Variants in SV2C observed in about 807,000 individuals in gnomAD.
SV2C encodes the protein synaptic vesicle glycoprotein 2C, also known as solute carrier family 22 member B3.
SV2C carries 49 observed loss-of-function variants against 79.7 expected under a neutral mutation model. The ratio of observed to expected loss-of-function variants is 0.61; its 90% CI spans 0.49 to 0.78. SV2C has a LOEUF of 0.78. Ranked by LOEUF, SV2C falls within the 30% of genes least tolerant of loss-of-function variation. SV2C has a pLI of 0.00. For missense variants in SV2C, 833 were observed against 912.9 expected (o/e 0.91, Z 1.13); for synonymous variants, 334 against 333.2 (o/e 1.00, Z -0.03).
In SV2C at chr5:76,132,190, A is replaced by ATGG; in HGVS notation, c.442_444dup (p.Gly148dup). Reference sequence around the variant, plus strand: ...GAGCTGATAATCCAAGAATGCGGTCATGGTCGTTTTCAGTGGGCCCTTTTC... The same window carrying ATGG: ...GAGCTGATAATCCAAGAATGCGGTCATGGTGGTCGTTTTCAGTGGGCCCTTTTC... On this transcript the variant is annotated inframe_insertion, in exon 2 of 13. Transcript: ENST00000502798. 6.2e-7 allele frequency: 1 copy of ATGG among 1,614,182 alleles called. No homozygotes were observed. The highest frequency in any genetic ancestry group is 8.5e-7 in the Non-Finnish European group (1 of 1,180,026).
chr5:75,878,742 T>A, the SV2C span, among the ~76,000 whole-genome samples: 2 of 152,160 alleles, frequency 1.3e-5, no homozygotes, highest in Non-Finnish European at 2.9e-5. Flanking sequence ...ACCATAGTGA[T>A]TACATGAGCA....
At chr5:76,038,979 A>C in the SV2C span, among the ~76,000 whole-genome samples, 1 of 152,220 alleles carries the variant, frequency 6.6e-6, no homozygotes, top group Non-Finnish European at 1.5e-5. Context: ...TGACATACAA[A>C]GCTTCATTTC....
At chr5:76,258,253 G>T (rs1746354999) in intron 4 of SV2C, among the ~76,000 whole-genome samples, 1 of 151,968 alleles carries the variant, frequency 6.6e-6, no homozygotes, top group African/African-American at 2.4e-5. Flanking sequence ...CTGCTGCCCG[G>T]CCCTTTGGAT....
chr5:76,032,658 C>T, the SV2C span, among the ~76,000 whole-genome samples: 2 of 152,128 alleles, frequency 1.3e-5, no homozygotes, highest in East Asian at 1.9e-4. Flanking sequence ...TGTTGGACAT[C>T]TGGGTTGGTT....
chr5:76,300,710 T>TTTG lies in SV2C; in HGVS notation c.1637-10_1637-8dup. On this transcript the variant is annotated intron_variant, in intron 10 of 12. Transcript: ENST00000502798. ...CCTGGTAAGAGCTTGATGAATTGTCTTTGTTGTTGTTTCTACAGATTTTGA... is the reference window on the plus strand; with the variant it reads ...CCTGGTAAGAGCTTGATGAATTGTCTTTGTTGTTGTTGTTTCTACAGATTTTGA... 1 of 1,612,096 alleles carries TTTG rather than the reference T, an allele frequency of 6.2e-7. No individual in the cohort carries two copies. The highest frequency in any genetic ancestry group is 1.3e-5 in the African/African-American group (1 of 74,988).
At chr5:76,230,964 C>T (rs890268599) in intron 4 of SV2C, among the ~76,000 whole-genome samples, 35 of 152,180 alleles carry the variant, frequency 2.3e-4, no homozygotes, top group African/African-American at 7.7e-4. Flanking sequence ...TTATTTAATT[C>T]TAACATAACA....
the SV2C span, among the ~76,000 whole-genome samples, chr5:76,063,410 G>T: frequency 6.6e-6 from 1 of 152,168 alleles, no homozygotes; most frequent in African/African-American, 2.4e-5. Context: ...AACATACACT[G>T]TGCTGCAGCT....
intron 1 of SV2C, among the ~76,000 whole-genome samples, chr5:76,121,787 T>C (rs1748506637): frequency 6.6e-6 from 1 of 151,860 alleles, no homozygotes; most frequent in African/African-American, 2.4e-5. Context: ...TAGTATAGTT[T>C]GAAGTCAGGT....
At chr5:76,275,729 T>C (rs912195747) in intron 4 of SV2C, among the ~76,000 whole-genome samples, 8 of 152,348 alleles carry the variant, frequency 5.3e-5, no homozygotes, top group African/African-American at 1.7e-4. Context: ...AAAGCTTTGA[T>C]TATTATTCAT....
downstream of SV2C, among the ~76,000 whole-genome samples, chr5:76,337,101 C>G (rs1749344882): frequency 6.6e-6 from 1 of 152,236 alleles, no homozygotes; most frequent in South Asian, 2.1e-4. Flanking sequence ...GCTAGGGCTG[C>G]TGTAACAAAA....
chr5:76,195,105 G>A lies in SV2C; in HGVS notation c.761+6G>A. On this transcript the variant is annotated splice_donor_region_variant and intron_variant, in intron 3 of 12. Transcript: ENST00000502798. ...CGCTTACTTTCTGGATTCGGGTAAGGTTTTCTCCTTCATATTTTATAGTAA... is the reference window on the plus strand; with the variant it reads ...CGCTTACTTTCTGGATTCGGGTAAGATTTTCTCCTTCATATTTTATAGTAA... 2 of 1,611,056 alleles carry A rather than the reference G, an allele frequency of 1.2e-6. No homozygotes were observed.
chr5:76,265,264 G>A (rs563499288), intron 4 of SV2C, among the ~76,000 whole-genome samples: 10 of 152,268 alleles, frequency 6.6e-5, no homozygotes, highest in Middle Eastern at 3.4e-3. Context: ...GGGAAAAACC[G>A]CCTACTCAAG....
At position 76,290,099 on chromosome 5, in the gene SV2C, C is replaced by A. The variant is rs77377513; in HGVS notation, c.1138-1122C>A. Among the ~76,000 whole-genome samples, 25 of 151,116 alleles carry A rather than the reference C, an allele frequency of 1.7e-4. No individual in the cohort carries two copies. The East Asian group carries it at 4.9e-3, about 29-fold the overall frequency. On this transcript the variant is annotated intron_variant, in intron 6 of 12. Transcript: ENST00000502798. ...GATGTAAAAAGAAAAGAAAAAAAAA[C>A]TTTTTAAATCTAGAGTTTTAAAAAA...
the SV2C span, among the ~76,000 whole-genome samples, chr5:75,979,111 T>C: frequency 6.6e-6 from 1 of 152,120 alleles, no homozygotes; most frequent in African/African-American, 2.4e-5. Flanking sequence ...AAAACTGACT[T>C]TAAATCAACA....
At chr5:76,183,425 C>A (rs145829317) in intron 2 of SV2C, among the ~76,000 whole-genome samples, 3,066 of 152,066 alleles carry the variant, frequency 0.02, 48 homozygotes, top group African/African-American at 0.029. Context: ...GGGGTTTGTG[C>A]TCTCAAACCC....
At chr5:76,075,667 A>C in the SV2C span, 1 of 319,590 alleles carries the variant, frequency 3.1e-6, no homozygotes, top group Non-Finnish European at 6.5e-6. Flanking sequence ...TGCAACCTTG[A>C]ATTAACTGAC....
At chr5:76,203,519 T>G (rs1280182780) in intron 3 of SV2C, among the ~76,000 whole-genome samples, 1 of 152,214 alleles carries the variant, frequency 6.6e-6, no homozygotes, top group Non-Finnish European at 1.5e-5. Flanking sequence ...AGCTAATTTT[T>G]TTTCAAGACA....
chr5:76,125,354 CCTG>C (rs779470460), intron 1 of SV2C, among the ~76,000 whole-genome samples: 1 of 151,886 alleles, frequency 6.6e-6, no homozygotes, highest in Non-Finnish European at 1.5e-5. Flanking sequence ...TGCCTTTTAT[CCTG>C]CTTCTTTCAA....
the SV2C span, among the ~76,000 whole-genome samples, chr5:75,885,225 C>T: frequency 6.6e-6 from 1 of 152,126 alleles, no homozygotes; most frequent in Non-Finnish European, 1.5e-5. Flanking sequence ...ACATTTTGAG[C>T]TGATGGGACA....
Sources: allele counts gnomAD v4.1 joint callset (sites outside exome capture counted in the v4.1 genomes callset), GRCh38; gene constraint gnomAD v4.1.1; transcripts MANE v1.5; gene names NCBI Gene and HGNC (gene_info 2026-07-23, HGNC 2026-07-21).